CHRM3: variants seen among roughly 807,000 people sequenced by gnomAD.
The protein encoded by CHRM3 is muscarinic acetylcholine receptor M3.
CHRM3 carries 11 observed loss-of-function variants against 41.8 expected under a neutral mutation model. The observed-to-expected ratio is 0.26, with a 90% CI of 0.17 to 0.44. CHRM3 has a LOEUF of 0.44. Among genes scored for constraint, CHRM3 ranks in the 20% least tolerant of loss-of-function variants. The pLI, the probability that CHRM3 is intolerant of heterozygous loss-of-function variation, is 1.00. For missense variants in CHRM3, 571 were observed against 745.4 expected, an observed-to-expected ratio of 0.77 and a Z score of 2.72; for synonymous variants, 297 against 301.4, an observed-to-expected ratio of 0.99 and a Z score of 0.15.
intron 1 of CHRM3, among the ~76,000 whole-genome samples, chr1:239,404,434 GAA>G (rs751554178): frequency 2.2e-4 from 25 of 116,258 alleles, no homozygotes; most frequent in Admixed American, 6.1e-4. Context: ...AAGAAAGAAA[GAA>G]AGAAAGAAAG....
intron 6 of CHRM3, among the ~76,000 whole-genome samples, chr1:239,857,426 C>G (rs1341590446): frequency 6.6e-6 from 1 of 152,018 alleles, no homozygotes; most frequent in African/African-American, 2.4e-5. Context: ...TTAATCTGTT[C>G]CCTAAAGATA....
intron 5 of CHRM3, among the ~76,000 whole-genome samples, chr1:239,699,085 GTTT>G (rs200883686): frequency 6.6e-6 from 1 of 151,522 alleles, no homozygotes; most frequent in African/African-American, 2.4e-5. Context: ...TCTTTGAAGA[GTTT>G]TTTTTTCTAA....
chr1:239,655,937 A>T (rs996750258), intron 4 of CHRM3, among the ~76,000 whole-genome samples: 5 of 152,224 alleles, frequency 3.3e-5, no homozygotes, highest in Non-Finnish European at 7.3e-5. Flanking sequence ...TAGATAAATA[A>T]AACGTGGTAC....
intron 5 of CHRM3, among the ~76,000 whole-genome samples, chr1:239,773,894 A>G (rs188489893): frequency 5.6e-4 from 86 of 152,346 alleles, no homozygotes; most frequent in African/African-American, 2.0e-3. Flanking sequence ...TACCTGCTCC[A>G]ATACTCCTTA....
chr1:239,881,618 T>C (rs1049541161), intron 6 of CHRM3, among the ~76,000 whole-genome samples: 1 of 152,198 alleles, frequency 6.6e-6, no homozygotes, highest in East Asian at 1.9e-4. Flanking sequence ...ACCAGGGTTC[T>C]TTCCCAAGCC....
At chr1:239,878,015 C>T (rs199616904) in intron 6 of CHRM3, among the ~76,000 whole-genome samples, 280 of 151,710 alleles carry the variant, frequency 1.8e-3, no homozygotes, top group Non-Finnish European at 2.9e-3. Flanking sequence ...CTCAGCCTCC[C>T]GAGTAGCTGG....
intron 1 of CHRM3, among the ~76,000 whole-genome samples, chr1:239,467,551 C>T (rs1422178167): frequency 2.0e-5 from 3 of 152,186 alleles, no homozygotes; most frequent in Non-Finnish European, 4.4e-5. Flanking sequence ...CCGCCTGCCT[C>T]GGCCTCCCAA....
In CHRM3 at chr1:239,915,071, C is replaced by A. The variant is rs779928442; in HGVS notation, c.*5847C>A. 2.4e-5 allele frequency: 4 copies of A among 167,084 alleles called. No individual in the cohort carries two copies. Among genetic ancestry groups the A allele is most frequent in the Non-Finnish European group, 5.9e-5 (4 of 68,118 alleles). The allele number at this position is 167,084 out of a possible 1,614,324, so 10.4% of individuals were successfully genotyped here. A position where few individuals can be genotyped will look rare whatever the true frequency, so the allele number is the denominator to read the frequency against. On this transcript the variant is annotated 3_prime_UTR_variant, in exon 7 of 7. Coordinates refer to ENST00000676153, the MANE Select transcript of CHRM3 (RefSeq NM_001375978.1). ...ATGGGCTTCCACGATGGTGAATCAG[C>A]ATGCTGATTTCTCTTGGCAGGAAGC...
At chr1:239,780,099 A>C (rs1174178459) in intron 5 of CHRM3, among the ~76,000 whole-genome samples, 1 of 152,212 alleles carries the variant, frequency 6.6e-6, no homozygotes, top group Admixed American at 6.5e-5. Context: ...ATTCATGTGT[A>C]GGCTTTTGTG....
intron 2 of CHRM3, among the ~76,000 whole-genome samples, chr1:239,521,640 A>G (rs1292323830): frequency 6.6e-6 from 1 of 152,206 alleles, no homozygotes; most frequent in Non-Finnish European, 1.5e-5. Flanking sequence ...GGTTTTATAG[A>G]CAGGCATGAA....
At chr1:239,563,043 C>T (rs902765094) in intron 3 of CHRM3, among the ~76,000 whole-genome samples, 3 of 152,000 alleles carry the variant, frequency 2.0e-5, no homozygotes, top group East Asian at 1.9e-4. Context: ...GAAGTTTCAA[C>T]AAACCTTTTA....
At chr1:239,704,746 T>C (rs1351445269) in intron 5 of CHRM3, 1 of 152,186 alleles carries the variant, frequency 6.6e-6, no homozygotes, top group Non-Finnish European at 1.5e-5. Flanking sequence ...GATATATTAA[T>C]ATTTATAATA....
chr1:239,664,034 C>G (rs1331100225), intron 4 of CHRM3, among the ~76,000 whole-genome samples: 1 of 152,148 alleles, frequency 6.6e-6, no homozygotes, highest in Non-Finnish European at 1.5e-5. Context: ...ATGGGATACT[C>G]AAATTTATCC....
chr1:239,575,344 T>C (rs1212206242), intron 3 of CHRM3, among the ~76,000 whole-genome samples: 1 of 152,170 alleles, frequency 6.6e-6, no homozygotes, highest in Non-Finnish European at 1.5e-5. Flanking sequence ...GTGTTTCTTA[T>C]ACCTCCGGCT....
chr1:239,814,872 C>T (rs1671444894), intron 5 of CHRM3, among the ~76,000 whole-genome samples: 2 of 152,172 alleles, frequency 1.3e-5, no homozygotes, highest in Admixed American at 1.3e-4. Context: ...AACCTCTTGC[C>T]TCCCTTCAAG....
Position 239,907,298 on chromosome 1 carries a change from G to A in CHRM3, c.-19-135G>A. Reference sequence around the variant, plus strand: ...CTCCACTTATTTAAAATAAGAGAATGAACTTGATGTTTGGCTTCATAGAGA... The same window carrying A: ...CTCCACTTATTTAAAATAAGAGAATAAACTTGATGTTTGGCTTCATAGAGA... On this transcript the variant is annotated intron_variant, in intron 6 of 6. Coordinates refer to ENST00000676153, the MANE Select transcript of CHRM3 (RefSeq NM_001375978.1). This position sits in a 1 kb window ranked among gnomAD's most constrained non-coding sequence, Gnocchi z 5.4. The A allele has an allele frequency of 3.2e-6, 2 of 630,276 alleles. No homozygotes were observed. Among genetic ancestry groups the A allele is most frequent in the Non-Finnish European group, 2.7e-6 (1 of 364,460 alleles). 39.0% of individuals were successfully genotyped at this position (630,276 alleles called of 1,614,324 possible). A position where few individuals can be genotyped will look rare whatever the true frequency, so the allele number is the denominator to read the frequency against.
intron 2 of CHRM3, among the ~76,000 whole-genome samples, chr1:239,532,581 C>T (rs1429947074): frequency 5.4e-5 from 8 of 147,750 alleles, no homozygotes; most frequent in African/African-American, 1.7e-4. Flanking sequence ...GTCGAGGTCA[C>T]GCCACTGCAC....
intron 5 of CHRM3, chr1:239,718,852 G>T (rs759409104): frequency 1.3e-5 from 2 of 151,932 alleles, no homozygotes; most frequent in Non-Finnish European, 2.9e-5. Context: ...GGCATTATAC[G>T]CAAGGCTGAA....
At position 239,502,496 on chromosome 1, in the gene CHRM3, C is replaced by T. The variant is rs553917567; in HGVS notation, c.-422+9689C>T. On this transcript the variant is annotated intron_variant, in intron 2 of 6. Transcript: ENST00000676153. ...CCAGATGGATTCACTGCAGAATTCT[C>T]CCACACATTCAAAGAAGAATTGGTA... Among the ~76,000 whole-genome samples, 68 of 152,136 alleles carry T rather than the reference C, an allele frequency of 4.5e-4. 1 individual carries two copies. The South Asian group carries it at 0.014, about 32-fold the overall frequency.
Sources: allele counts gnomAD v4.1 joint callset (sites outside exome capture counted in the v4.1 genomes callset), GRCh38; gene constraint gnomAD v4.1.1; non-coding constraint Gnocchi (gnomAD v3.1); transcripts MANE v1.5; gene names NCBI Gene and HGNC (gene_info 2026-07-23, HGNC 2026-07-21).